NFIB: variants seen among roughly 807,000 people sequenced by gnomAD.
NFIB encodes nuclear factor 1 B-type.
NFIB carries 11 observed loss-of-function variants against 61.5 expected under a neutral mutation model. The ratio of observed to expected loss-of-function variants is 0.18; its 90% CI spans 0.11 to 0.30. The LOEUF is 0.30. NFIB is among the 10% of genes least tolerant of loss of function. The probability of loss-of-function intolerance (pLI) is 1.00; values close to 1 mark genes in which losing one functional copy is unlikely to be tolerated. For missense variants in NFIB, 471 were observed against 608.9 expected, an observed-to-expected ratio of 0.77 and a Z score of 2.38; for synonymous variants, 260 against 216.5, an observed-to-expected ratio of 1.20 and a Z score of -1.76.
chr9:14,492,538 G>T, the NFIB span, among the ~76,000 whole-genome samples: 1 of 151,998 alleles, frequency 6.6e-6, no homozygotes, highest in Admixed American at 6.6e-5. Context: ...AAGGCAAAGG[G>T]GAAGCAGCAC....
intron 2 of NFIB, among the ~76,000 whole-genome samples, chr9:14,195,590 T>A (rs921576479): frequency 1.3e-5 from 2 of 152,212 alleles, no homozygotes; most frequent in African/African-American, 4.8e-5. Flanking sequence ...ACTGTCGATA[T>A]AAATGACTGC....
At chr9:14,455,456 G>A in the NFIB span, among the ~76,000 whole-genome samples, 2 of 152,204 alleles carry the variant, frequency 1.3e-5, no homozygotes, top group East Asian at 3.9e-4. Flanking sequence ...GGATGAACAA[G>A]TGGATTTATC....
chr9:14,455,633 A>G, the NFIB span, among the ~76,000 whole-genome samples: 10 of 152,262 alleles, frequency 6.6e-5, no homozygotes, highest in East Asian at 1.9e-3. Context: ...CGGATTAGAG[A>G]AGAGAATTGA....
At chr9:14,129,138 A>T (rs1339892809) in intron 6 of NFIB, among the ~76,000 whole-genome samples, 1 of 152,126 alleles carries the variant, frequency 6.6e-6, no homozygotes, top group Non-Finnish European at 1.5e-5. Context: ...GGAACCACAA[A>T]CTCTTTCCTT....
At position 14,236,189 on chromosome 9, in the gene NFIB, T is replaced by C. The variant is rs538886975; in HGVS notation, c.563-56409A>G. Reference sequence around the variant, plus strand: ...ATGGAACTGCCCACTAATAGCTAAATTGGCATCTTTATGAATTTAAGGTTC... The same window carrying C: ...ATGGAACTGCCCACTAATAGCTAAACTGGCATCTTTATGAATTTAAGGTTC... On this transcript the variant is annotated intron_variant, in intron 2 of 10. Transcript: ENST00000380953. Among the ~76,000 whole-genome samples the C allele has an allele frequency of 3.9e-5, 6 of 152,320 alleles. No individual in the cohort carries two copies. In the East Asian group the frequency reaches 5.8e-4, roughly 15 times the overall value.
chr9:14,198,039 T>C (rs2048642536), intron 2 of NFIB, among the ~76,000 whole-genome samples: 1 of 152,212 alleles, frequency 6.6e-6, no homozygotes, highest in African/African-American at 2.4e-5. Flanking sequence ...AGAATACACG[T>C]TGCCCCCTAT....
At chr9:14,454,716 T>C in the NFIB span, among the ~76,000 whole-genome samples, 1 of 152,226 alleles carries the variant, frequency 6.6e-6, no homozygotes, top group Admixed American at 6.5e-5. Flanking sequence ...TTAAAAGTAT[T>C]CTGTACCTTT....
chr9:14,222,731 G>C (rs1165991468), intron 2 of NFIB, among the ~76,000 whole-genome samples: 1 of 144,078 alleles, frequency 6.9e-6, no homozygotes, highest in Non-Finnish European at 1.5e-5. Context: ...GGGAACTCAA[G>C]GCTACAGTGA....
At chr9:14,447,993 T>C in the NFIB span, among the ~76,000 whole-genome samples, 1 of 152,214 alleles carries the variant, frequency 6.6e-6, no homozygotes, top group South Asian at 2.1e-4. Context: ...TACTTTAGCC[T>C]ATACTGATCT....
the NFIB span, among the ~76,000 whole-genome samples, chr9:14,515,727 C>T: frequency 0.059 from 9,030 of 152,182 alleles, 297 homozygotes; most frequent in Non-Finnish European, 0.066. Context: ...CGGGGCCATG[C>T]GAAAATGCAG....
chr9:14,159,419 T>A (rs1021479042), intron 3 of NFIB, among the ~76,000 whole-genome samples: 5 of 152,168 alleles, frequency 3.3e-5, no homozygotes, highest in Admixed American at 6.5e-5. Flanking sequence ...TACTCCTGCA[T>A]GGAGCCCAGT....
chr9:14,148,291 T>G (rs917924289), intron 5 of NFIB, among the ~76,000 whole-genome samples: 1 of 151,898 alleles, frequency 6.6e-6, no homozygotes, highest in African/African-American at 2.4e-5. Context: ...CCTTGCTAAT[T>G]AAAAAAATTT....
At chr9:14,199,423 G>A (rs10810110) in intron 2 of NFIB, among the ~76,000 whole-genome samples, 132,119 of 152,224 alleles carry the variant, frequency 0.87, 57,608 homozygotes, top group South Asian at 0.94. Context: ...CTCGGCTTTA[G>A]ATGCCTGATA....
At chr9:14,140,071 C>CT (rs1225847694) in intron 6 of NFIB, among the ~76,000 whole-genome samples, 2 of 152,144 alleles carry the variant, frequency 1.3e-5, no homozygotes, top group African/African-American at 4.8e-5. Context: ...TTGTAGCTCT[C>CT]TTTTTTTCTG....
chr9:14,531,687 T>TAAA, the NFIB span, among the ~76,000 whole-genome samples: 1 of 144,454 alleles, frequency 6.9e-6, no homozygotes, highest in African/African-American at 2.6e-5. Context: ...CATTTTTCTT[T>TAAA]AAAAAAAAAA....
In NFIB at chr9:14,088,052, T is replaced by C. The variant is rs2033134397; in HGVS notation, c.*257A>G. On this transcript the variant is annotated 3_prime_UTR_variant, in exon 11 of 11. Coordinates refer to ENST00000380953, the MANE Select transcript of NFIB (RefSeq NM_001190737.2). ...TCAACCTTAAGGGAATTAGTGATTGTAAGTGCTGCAATTGCTGGTCTATTA... is the reference window on the plus strand; with the variant it reads ...TCAACCTTAAGGGAATTAGTGATTGCAAGTGCTGCAATTGCTGGTCTATTA... 4.6e-6 allele frequency: 3 copies of C among 655,424 alleles called. No individual in the cohort carries two copies. The highest frequency in any genetic ancestry group is 6.7e-6 in the Non-Finnish European group (3 of 447,896). 40.6% of individuals were successfully genotyped at this position (655,424 alleles called of 1,614,324 possible). A position where few individuals can be genotyped will look rare whatever the true frequency, so the allele number is the denominator to read the frequency against.
At chr9:14,187,027 A>ATATGTGTGTGTGTGTG (rs1491093222) in intron 2 of NFIB, among the ~76,000 whole-genome samples, 2 of 61,042 alleles carry the variant, frequency 3.3e-5, no homozygotes, top group African/African-American at 7.4e-5. Flanking sequence ...GTGTGTGTGT[A>ATATGTGTGTGTGTGTG]TGTGTGTGTG....
chr9:14,492,096 G>A, the NFIB span, among the ~76,000 whole-genome samples: 1 of 152,166 alleles, frequency 6.6e-6, no homozygotes, highest in African/African-American at 2.4e-5. Flanking sequence ...GAGCGCGGTG[G>A]CTCAAGCCTG....
intron 2 of NFIB, among the ~76,000 whole-genome samples, chr9:14,212,210 T>C (rs568097156): frequency 1.3e-5 from 2 of 152,342 alleles, no homozygotes; most frequent in South Asian, 2.1e-4. Flanking sequence ...CTCATACAAA[T>C]AATTAGAATA....
Sources: gnomAD v4.1 joint callset for allele counts (sites outside exome capture counted in the v4.1 genomes callset) on GRCh38, gnomAD v4.1.1 for gene constraint, MANE v1.5 for transcripts, NCBI Gene and HGNC (gene_info 2026-07-23, HGNC 2026-07-21) for gene names.